The following COG3 variants were observed in gnomAD, a reference collection of about 807,000 sequenced individuals.
COG3 encodes component of oligomeric golgi complex 3, also known as conserved oligomeric Golgi complex subunit 3.
Under a neutral mutation model 114.1 loss-of-function variants are expected in COG3, and 32 were observed. That is an observed-to-expected ratio of 0.28 (90% CI 0.21 to 0.38). The LOEUF is 0.38. Ranked by LOEUF, COG3 falls within the 10% of genes least tolerant of loss-of-function variation. COG3 has a pLI of 1.00. For synonymous variants in COG3, 352 were observed against 365.7 expected, an observed-to-expected ratio of 0.96 and a Z score of 0.43; for missense variants, 813 against 973.2, an observed-to-expected ratio of 0.84 and a Z score of 2.19.
rs1281966403 is a variant in COG3, at chr13:45,536,320, G to A, written c.*1589G>A. ...GGCATGATTATTGTACAGTAAGTAC[G>A]TGACTGATTTAATTTGATTTACAGA... On this transcript the variant is annotated 3_prime_UTR_variant, in exon 23 of 23. Coordinates refer to ENST00000349995, the MANE Select transcript of COG3 (RefSeq NM_031431.4). The A allele has an allele frequency of 1.3e-5, 2 of 152,138 alleles. No homozygotes were observed. The highest frequency in any genetic ancestry group is 2.9e-5 in the Non-Finnish European group (2 of 68,022). 9.4% of individuals were successfully genotyped at this position (152,138 alleles called of 1,614,324 possible).
In COG3 at chr13:45,494,694, T is replaced by C. The variant is rs1012264554; in HGVS notation, c.1327+1208T>C. Among the ~76,000 whole-genome samples the C allele has an allele frequency of 2.6e-5, 4 of 151,884 alleles. No individual in the cohort carries two copies. The East Asian group carries it at 7.8e-4, about 29-fold the overall frequency. Reference sequence around the variant, plus strand: ...TGCATGCCACCATGCCCAGCTATTTTTATATTTCTTTTGTAGAGAGGGGGT... The same window carrying C: ...TGCATGCCACCATGCCCAGCTATTTCTATATTTCTTTTGTAGAGAGGGGGT... On this transcript the variant is annotated intron_variant, in intron 12 of 22. Coordinates refer to ENST00000349995, the MANE Select transcript of COG3 (RefSeq NM_031431.4).
rs1873460637 is a variant in COG3, at chr13:45,535,057, T to G, written c.*326T>G. ...TTAAAAATGTGCAATAAAAATAGATTACAATAAGTAGTGCAAAGAACTTTA... is the reference window on the plus strand; with the variant it reads ...TTAAAAATGTGCAATAAAAATAGATGACAATAAGTAGTGCAAAGAACTTTA... On this transcript the variant is annotated 3_prime_UTR_variant, in exon 23 of 23. Coordinates refer to ENST00000349995, the MANE Select transcript of COG3 (RefSeq NM_031431.4). 4.6e-6 allele frequency: 5 copies of G among 1,097,642 alleles called. No individual in the cohort carries two copies. In the Admixed American group the frequency reaches 2.0e-4, roughly 45 times the overall value. 68.0% of individuals were successfully genotyped at this position (1,097,642 alleles called of 1,614,324 possible).
chr13:45,496,280 C>T lies in COG3; in HGVS notation c.1456C>T (p.Leu486=). ...GGGCTATAAACCAGCTCCTGGAGAT[C>T]TGGCATATCCCGATAAGTTAGTCAT... ...ITGYKPAPGD[L]AYPDKLVMME... Residue 486 remains leucine (L), a synonymous_variant, in exon 13 of 23, where the codon CTG becomes TTG. Coordinates refer to ENST00000349995, the MANE Select transcript of COG3 (RefSeq NM_031431.4). 6.2e-7 allele frequency: 1 copy of T among 1,604,366 alleles called. No individual in the cohort carries two copies. The highest frequency in any genetic ancestry group is 8.5e-7 in the Non-Finnish European group (1 of 1,174,344).
At chr13:45,493,627 G>C (rs1452547549) in intron 12 of COG3, 141 bp downstream of exon 12, 3 of 586,952 alleles carry the variant, frequency 5.1e-6, no homozygotes, top group Non-Finnish European at 8.4e-6. Flanking sequence ...ACCCCTTCTT[G>C]AATGAAGTTG....
chr13:45,466,965 T>C (rs1323747792), intron 1 of COG3, among the ~76,000 whole-genome samples: 1 of 152,114 alleles, frequency 6.6e-6, no homozygotes, highest in Non-Finnish European at 1.5e-5. Flanking sequence ...GCTGACATAA[T>C]TGTGGGGATC....
intron 15 of COG3, 93 bp from the exon 16 acceptor site, chr13:45,511,672 C>A: frequency 1.1e-6 from 1 of 877,064 alleles, no homozygotes; most frequent in Non-Finnish European, 1.9e-6. Context: ...TGAGGGCAAG[C>A]AGGCATTGTT....
chr13:45,525,933 A>C (rs1345570645), intron 20 of COG3, among the ~76,000 whole-genome samples: 1 of 151,818 alleles, frequency 6.6e-6, no homozygotes, highest in African/African-American at 2.4e-5. Context: ...TGCATCCATG[A>C]AAAATTGGCA....
At chr13:45,518,923 C>T in intron 18 of COG3, 37 bp from the exon 19 acceptor site, 3 of 1,613,332 alleles carry the variant, frequency 1.9e-6, no homozygotes, top group Non-Finnish European at 2.5e-6. Flanking sequence ...TTTCTAGGCA[C>T]ATAAAAACAG....
intron 19 of COG3, among the ~76,000 whole-genome samples, chr13:45,521,658 T>C (rs1230887551): frequency 3.3e-5 from 5 of 152,170 alleles, no homozygotes; most frequent in Non-Finnish European, 7.3e-5. Context: ...TTTTCACTTT[T>C]TACCTAGTGA....
intron 1 of COG3, among the ~76,000 whole-genome samples, chr13:45,469,319 A>G (rs932910031): frequency 1.3e-5 from 2 of 152,244 alleles, no homozygotes; most frequent in African/African-American, 4.8e-5. Flanking sequence ...TAATTAGAAG[A>G]TAAACTTTTT....
Position 45,481,366 on chromosome 13 carries a change from C to G in COG3, c.624+62C>G, listed in dbSNP as rs910176914. The G allele has an allele frequency of 4.7e-6, 4 of 852,044 alleles. No homozygotes were observed. In the Admixed American group the frequency reaches 6.9e-5, roughly 15 times the overall value. The allele number at this position is 852,044 out of a possible 1,614,324, so 52.8% of individuals were successfully genotyped here. A position where few individuals can be genotyped will look rare whatever the true frequency, so the allele number is the denominator to read the frequency against. On this transcript the variant is annotated intron_variant, in intron 5 of 22. Coordinates refer to ENST00000349995, the MANE Select transcript of COG3 (RefSeq NM_031431.4). The stretch of plus-strand genomic sequence containing the variant: ...TTTTTGTTTTATTTTTGCCTTTCTT[C>G]GTGTCATCTTTTAATCTATAAATTG...
intron 13 of COG3, among the ~76,000 whole-genome samples, chr13:45,500,365 G>A (rs1446700917): frequency 6.6e-5 from 10 of 151,918 alleles, no homozygotes; most frequent in African/African-American, 1.9e-4. Context: ...AATATCTGTG[G>A]AAAATAGATT....
chr13:45,496,316 G>A lies in COG3; in HGVS notation c.1488+4G>A, dbSNP rs1224836170. The A allele has an allele frequency of 6.4e-7, 1 of 1,569,506 alleles. No homozygotes were observed. Among genetic ancestry groups the A allele is most frequent in the African/African-American group, 1.4e-5 (1 of 73,290 alleles). ...CGATAAGTTAGTCATGATGGAGGTAGGATCTCCTTACTTGATCTCCCGTCT... is the reference window on the plus strand; with the variant it reads ...CGATAAGTTAGTCATGATGGAGGTAAGATCTCCTTACTTGATCTCCCGTCT... On this transcript the variant is annotated splice_donor_region_variant and intron_variant, in intron 13 of 22. Transcript: ENST00000349995.
At chr13:45,533,544 A>G (rs552302412) in intron 22 of COG3, among the ~76,000 whole-genome samples, 1 of 152,300 alleles carries the variant, frequency 6.6e-6, no homozygotes, top group East Asian at 1.9e-4. Flanking sequence ...GAACAAGGAA[A>G]TTCTCTCACT....
At chr13:45,524,689 G>C (rs1408367249) in intron 19 of COG3, among the ~76,000 whole-genome samples, 1 of 152,164 alleles carries the variant, frequency 6.6e-6, no homozygotes, top group Non-Finnish European at 1.5e-5. Context: ...TGTCTTCCTA[G>C]TGGGAAGTAT....
At chr13:45,495,757 TAAC>T (rs1177279910) in intron 12 of COG3, among the ~76,000 whole-genome samples, 1 of 152,176 alleles carries the variant, frequency 6.6e-6, no homozygotes, top group Non-Finnish European at 1.5e-5. Flanking sequence ...GTGAAAATGT[TAAC>T]AAGTCATTCA....
At chr13:45,526,796 C>T (rs978935359) in intron 20 of COG3, among the ~76,000 whole-genome samples, 2 of 152,050 alleles carry the variant, frequency 1.3e-5, no homozygotes, top group African/African-American at 2.4e-5. Flanking sequence ...GATCTTTTAC[C>T]GACAATACTG....
chr13:45,529,591 G>A (rs950371812), intron 20 of COG3, among the ~76,000 whole-genome samples, 200 bp from the exon 21 acceptor site: 2 of 151,882 alleles, frequency 1.3e-5, no homozygotes, highest in African/African-American at 4.8e-5. Context: ...TTAGAATTTT[G>A]TATAGTAGAT....
At chr13:45,465,449 C>T in intron 1 of COG3, 1 of 582,672 alleles carries the variant, frequency 1.7e-6, no homozygotes, top group South Asian at 2.4e-5. Flanking sequence ...AGCTGGTGCT[C>T]GCCGGAACCC....
Sources: allele counts gnomAD v4.1 joint callset (sites outside exome capture counted in the v4.1 genomes callset), GRCh38; gene constraint gnomAD v4.1.1; transcripts MANE v1.5; gene names NCBI Gene and HGNC (gene_info 2026-07-23, HGNC 2026-07-21).